Variants in KCNMA1 observed in about 807,000 individuals in gnomAD.
KCNMA1 encodes potassium calcium-activated channel subfamily M alpha 1, also known as Calcium-activated potassium channel subunit alpha-1.
A neutral mutation model predicts 140.0 loss-of-function variants in KCNMA1; 29 were observed. That is an observed-to-expected ratio of 0.21 (90% confidence interval 0.15 to 0.28). The LOEUF (loss-of-function observed/expected upper bound fraction) is 0.28. Among genes scored for constraint, KCNMA1 ranks in the 10% least tolerant of loss-of-function variants. KCNMA1 has a pLI of 1.00. For missense variants in KCNMA1, 880 were observed against 1,602.2 expected (o/e 0.55, Z 7.70); for synonymous variants, 612 against 611.9 (o/e 1.00, Z 0.00).
rs183451725 is a variant in KCNMA1 at position 77,221,203 on chromosome 10, C to T, written c.602+29992G>A. Among the ~76,000 whole-genome samples, 34 of 152,312 alleles carry T rather than the reference C, an allele frequency of 2.2e-4. No individual in the cohort carries two copies. In the East Asian group the frequency reaches 5.6e-3, roughly 25 times the overall value. ...CCTCTTCCCCTCACCATCCTCCTCT[C>T]TCCTCACCCAGTCTCTTTATTCCTG... On this transcript the variant is annotated intron_variant, in intron 3 of 27. Coordinates refer to ENST00000286628, the MANE Select transcript of KCNMA1 (RefSeq NM_001161352.2).
chr10:77,122,902 G>A (rs925436403), intron 5 of KCNMA1, among the ~76,000 whole-genome samples: 1 of 152,052 alleles, frequency 6.6e-6, no homozygotes, highest in Non-Finnish European at 1.5e-5. Flanking sequence ...GTGTTGGCCG[G>A]GCACGGTGGC....
At chr10:77,512,236 C>T (rs1176304210) in intron 1 of KCNMA1, among the ~76,000 whole-genome samples, 1 of 152,132 alleles carries the variant, frequency 6.6e-6, no homozygotes. Flanking sequence ...CTTGCTTTCC[C>T]CTGGTCCCAC....
rs116858283 is a variant in KCNMA1, at chr10:77,608,701, C to T, written c.378+28564G>A. Among the ~76,000 whole-genome samples the T allele has an allele frequency of 2.5e-3, 376 of 152,314 alleles. 5 individuals carry two copies. Among genetic ancestry groups the T allele is most frequent in the Middle Eastern group, 0.017 (5 of 294 alleles). ...GTTGTCCTGTTCACCAGTGAATCAA[C>T]TCTCAGCCTGTTATAGACACTTGCA... is the stretch of plus-strand genomic sequence containing the variant. On this transcript the variant is annotated intron_variant, in intron 1 of 27. Coordinates refer to ENST00000286628, the MANE Select transcript of KCNMA1 (RefSeq NM_001161352.2).
intron 3 of KCNMA1, among the ~76,000 whole-genome samples, chr10:77,197,425 T>C (rs1252084387): frequency 6.6e-6 from 1 of 152,160 alleles, no homozygotes; most frequent in Non-Finnish European, 1.5e-5. Context: ...TAGCTTCTAA[T>C]TATTTGTCAT....
At chr10:77,298,367 C>T (rs983611696) in intron 2 of KCNMA1, among the ~76,000 whole-genome samples, 2 of 152,176 alleles carry the variant, frequency 1.3e-5, no homozygotes, top group East Asian at 1.9e-4. Context: ...CTCAGCGTCC[C>T]GAGTAGCTGG....
At chr10:77,421,657 A>G (rs1215138612) in intron 1 of KCNMA1, among the ~76,000 whole-genome samples, 1 of 152,236 alleles carries the variant, frequency 6.6e-6, no homozygotes, top group Non-Finnish European at 1.5e-5. Flanking sequence ...TTCTTCATTT[A>G]AAATTTTTGT....
chr10:77,412,212 G>C (rs1453633881), intron 1 of KCNMA1, among the ~76,000 whole-genome samples: 2 of 152,202 alleles, frequency 1.3e-5, no homozygotes, highest in Non-Finnish European at 2.9e-5. Flanking sequence ...CCCCCAGAGG[G>C]CTGTGAGAGA....
chr10:77,511,737 T>C (rs2048485468), intron 1 of KCNMA1, among the ~76,000 whole-genome samples: 1 of 152,190 alleles, frequency 6.6e-6, no homozygotes, highest in Admixed American at 6.5e-5. Context: ...TCAGCTGACC[T>C]CAGGATGTGA....
intron 22 of KCNMA1, 159 bp downstream of exon 22, chr10:76,948,983 T>C: frequency 1.3e-6 from 1 of 749,424 alleles, no homozygotes; most frequent in Admixed American, 1.9e-5. Flanking sequence ...AGGGTTTGGA[T>C]TTTCCTTGAC....
At chr10:77,600,704 G>A (rs550172683) in intron 1 of KCNMA1, among the ~76,000 whole-genome samples, 122 of 152,128 alleles carry the variant, frequency 8.0e-4, no homozygotes, top group African/African-American at 2.9e-3. Flanking sequence ...CTGAGGTCAC[G>A]CCATTGCACT....
chr10:77,035,704 T>C (rs550498285), intron 15 of KCNMA1, among the ~76,000 whole-genome samples: 1 of 152,312 alleles, frequency 6.6e-6, no homozygotes, highest in African/African-American at 2.4e-5. Context: ...TAAATATAAC[T>C]TGGATACACA....
At chr10:77,039,455 TGG>T in intron 15 of KCNMA1, 71 bp downstream of exon 15, 1 of 873,232 alleles carries the variant, frequency 1.1e-6, no homozygotes, top group Non-Finnish European at 2.0e-6. Context: ...CCAGCAGAGG[TGG>T]GAGGCTTCCT....
At chr10:77,242,382 T>A (rs899438043) in intron 3 of KCNMA1, among the ~76,000 whole-genome samples, 1 of 152,084 alleles carries the variant, frequency 6.6e-6, no homozygotes, top group African/African-American at 2.4e-5. Context: ...AAAGCCCGAG[T>A]ACAGGCCATA....
chr10:77,120,843 G>T, intron 6 of KCNMA1, 130 bp downstream of exon 6: 1 of 688,978 alleles, frequency 1.5e-6, no homozygotes, highest in Non-Finnish European at 2.6e-6. Flanking sequence ...CTCCCTCTCT[G>T]TGTTAGATCA....
intron 2 of KCNMA1, among the ~76,000 whole-genome samples, chr10:77,307,623 T>G (rs1159950357): frequency 6.6e-6 from 1 of 152,192 alleles, no homozygotes; most frequent in Non-Finnish European, 1.5e-5. Flanking sequence ...CTTGGCTCAC[T>G]GCAAGCTCCA....
At chr10:77,064,010 C>T (rs1290827281) in intron 14 of KCNMA1, 5 of 985,360 alleles carry the variant, frequency 5.1e-6, no homozygotes, top group Non-Finnish European at 6.0e-6. Flanking sequence ...AAGTCCTGAC[C>T]ATTGCCGCTT....
chr10:77,216,463 T>C (rs2047818983), intron 3 of KCNMA1, among the ~76,000 whole-genome samples: 1 of 152,192 alleles, frequency 6.6e-6, no homozygotes, highest in East Asian at 1.9e-4. Context: ...GCTGAGTTAG[T>C]CTATGGAATC....
chr10:77,631,555 G>A (rs1300958319), intron 1 of KCNMA1, among the ~76,000 whole-genome samples: 2 of 152,314 alleles, frequency 1.3e-5, no homozygotes, highest in East Asian at 3.9e-4. Flanking sequence ...GAGCCGGGAC[G>A]CCCACTTTGG....
At chr10:77,520,274 ATATGTGGTGTGAG>A (rs2052840542) in intron 1 of KCNMA1, among the ~76,000 whole-genome samples, 2 of 71,836 alleles carry the variant, frequency 2.8e-5, no homozygotes, top group Non-Finnish European at 6.1e-5. Context: ...GAGGTCTGGG[ATATGTGGTGTGAG>A]GGTATGCAGT....
Sources: allele counts gnomAD v4.1 joint callset (sites outside exome capture counted in the v4.1 genomes callset), GRCh38; gene constraint gnomAD v4.1.1; transcripts MANE v1.5; gene names NCBI Gene and HGNC (gene_info 2026-07-23, HGNC 2026-07-21).